The following TSPEAR variants were observed in gnomAD, a reference collection of about 807,000 sequenced individuals.
The protein encoded by TSPEAR is thrombospondin-type laminin G domain and EAR repeat-containing protein.
In TSPEAR, 69 loss-of-function variants were observed where a neutral mutation model predicts 71.6. That is an observed-to-expected ratio of 0.96 (90% CI 0.79 to 1.18). The LOEUF is 1.18. TSPEAR is among the 50% of genes most tolerant of loss of function. The pLI is 0.00. For synonymous variants in TSPEAR, 402 were observed against 387.2 expected, an observed-to-expected ratio of 1.04 and a Z score of -0.45; for missense variants, 971 against 894.9, an observed-to-expected ratio of 1.09 and a Z score of -1.09.
chr21:44,699,550 C>T (rs926098161), intron 1 of TSPEAR, among the ~76,000 whole-genome samples: 3 of 152,114 alleles, frequency 2.0e-5, no homozygotes, highest in Admixed American at 6.5e-5. Context: ...TCTCTTCCCT[C>T]TTCCCACAGC....
intron 3 of TSPEAR, 100 bp from the exon 4 acceptor site, chr21:44,531,233 T>A: frequency 1.1e-6 from 1 of 912,932 alleles, no homozygotes. Flanking sequence ...GCAGCGTGCA[T>A]CTGTGCTGTG....
chr21:44,580,687 T>G, intron 1 of TSPEAR: 2 of 1,156,934 alleles, frequency 1.7e-6, no homozygotes, highest in Non-Finnish European at 2.5e-6. Flanking sequence ...GCTGTGGGGC[T>G]TTTAAATCCC....
At chr21:44,539,971 T>A (rs377580462) in intron 2 of TSPEAR, 14 of 1,613,002 alleles carry the variant, frequency 8.7e-6, no homozygotes, top group Non-Finnish European at 1.2e-5. Flanking sequence ...GCTCACAGGC[T>A]GCCTGGCAGC....
intron 1 of TSPEAR, among the ~76,000 whole-genome samples, chr21:44,626,113 C>T (rs971688193): frequency 2.6e-5 from 4 of 152,250 alleles, no homozygotes; most frequent in Admixed American, 6.5e-5. Flanking sequence ...TTCTACTCAA[C>T]ATCGTGTAAT....
intron 1 of TSPEAR, chr21:44,591,939 C>T: frequency 1.2e-6 from 2 of 1,602,172 alleles, no homozygotes; most frequent in Non-Finnish European, 8.5e-7. Context: ...AGGGGCTGGA[C>T]ACACAGCTCA....
intron 1 of TSPEAR, chr21:44,647,514 T>A (rs2146242548): frequency 1.1e-6 from 1 of 883,020 alleles, no homozygotes; most frequent in Middle Eastern, 2.7e-4. Flanking sequence ...TCCTCCCCAC[T>A]GTCTGGGAAG....
chr21:44,502,627 A>G (rs1392400181), intron 11 of TSPEAR, among the ~76,000 whole-genome samples: 1 of 152,264 alleles, frequency 6.6e-6, no homozygotes, highest in Admixed American at 6.5e-5. Context: ...GACAGAATCC[A>G]AAGGCAGAAG....
chr21:44,505,844 C>G (rs1351854338), intron 10 of TSPEAR, among the ~76,000 whole-genome samples: 1 of 152,054 alleles, frequency 6.6e-6, no homozygotes, highest in Non-Finnish European at 1.5e-5. Flanking sequence ...CATGTGGCTA[C>G]TGTGAATGCT....
At chr21:44,556,404 A>C (rs946030048) in intron 2 of TSPEAR, among the ~76,000 whole-genome samples, 27 of 148,746 alleles carry the variant, frequency 1.8e-4, no homozygotes, top group Admixed American at 4.0e-4. Flanking sequence ...AAAAAAAAAA[A>C]CCAAAAGACC....
chr21:44,647,450 C>G (rs1984509462), intron 1 of TSPEAR: 2 of 1,383,492 alleles, frequency 1.4e-6, no homozygotes, highest in Non-Finnish European at 9.9e-7. Context: ...TCCACCAGCT[C>G]CATCAGTAGC....
At chr21:44,565,059 C>T (rs587743438) in intron 2 of TSPEAR, among the ~76,000 whole-genome samples, 17 of 151,834 alleles carry the variant, frequency 1.1e-4, no homozygotes, top group East Asian at 3.9e-4. Context: ...AAAAAAGAAA[C>T]CAAAAGGAAA....
chr21:44,689,329 C>T (rs371471316), intron 1 of TSPEAR, among the ~76,000 whole-genome samples: 45 of 151,880 alleles, frequency 3.0e-4, no homozygotes, highest in African/African-American at 1.1e-3. Context: ...GGTGAAACCC[C>T]GTCTCTACTA....
chr21:44,515,313 C>T (rs79628306), intron 9 of TSPEAR, among the ~76,000 whole-genome samples: 1,541 of 152,314 alleles, frequency 0.01, 10 homozygotes, highest in Non-Finnish European at 0.013. Context: ...TCCATGTGTG[C>T]GTGGTCCCAG....
chr21:44,657,904 G>A, intron 1 of TSPEAR: 1 of 1,450,102 alleles, frequency 6.9e-7, no homozygotes, highest in Non-Finnish European at 9.5e-7. Flanking sequence ...CAGGACCCAG[G>A]TATAAAGACC....
At chr21:44,537,795 C>G (rs1430488977) in intron 2 of TSPEAR, among the ~76,000 whole-genome samples, 1 of 152,142 alleles carries the variant, frequency 6.6e-6, no homozygotes, top group Non-Finnish European at 1.5e-5. Context: ...ATCCCCAGCC[C>G]TAAATCCACA....
intron 9 of TSPEAR, among the ~76,000 whole-genome samples, chr21:44,513,344 C>CAG (rs1421022916): frequency 2.6e-5 from 4 of 152,062 alleles, no homozygotes; most frequent in Non-Finnish European, 5.9e-5. Flanking sequence ...CCAACCCAGG[C>CAG]AGAGGGTGTG....
At chr21:44,573,345 C>A (rs1423713403) in intron 1 of TSPEAR, among the ~76,000 whole-genome samples, 2 of 150,624 alleles carry the variant, frequency 1.3e-5, no homozygotes, top group African/African-American at 4.9e-5. Flanking sequence ...GGCACCCACT[C>A]CTCATAGTCC....
intron 1 of TSPEAR, chr21:44,580,381 G>C (rs782633513): frequency 1.1e-5 from 18 of 1,613,358 alleles, no homozygotes; most frequent in Middle Eastern, 3.6e-4. Flanking sequence ...TGCAGGAGCT[G>C]GTGCAGCCTG....
In TSPEAR at chr21:44,658,086, T is replaced by C. The variant is rs782574566; in HGVS notation, c.82+53347A>G. On this transcript the variant is annotated intron_variant, in intron 1 of 11. Coordinates refer to ENST00000323084, the MANE Select transcript of TSPEAR (RefSeq NM_144991.3). ...GTGAGCTGCCAGTCCTCCGTGTGCA[T>C]GCCCGTGAGCTGCACGCGCATTGTG... 6 of 1,613,976 alleles carry C rather than the reference T, an allele frequency of 3.7e-6. No individual in the cohort carries two copies. In the Admixed American group the frequency reaches 6.7e-5, roughly 18 times the overall value.
Sources: allele counts gnomAD v4.1 joint callset (sites outside exome capture counted in the v4.1 genomes callset), GRCh38; gene constraint gnomAD v4.1.1; transcripts MANE v1.5; gene names NCBI Gene and HGNC (gene_info 2026-07-23, HGNC 2026-07-21).